Variants in CSMD1 observed in about 807,000 individuals in gnomAD.
CSMD1 encodes the protein CUB and sushi domain-containing protein 1.
In CSMD1, 213 loss-of-function variants were observed where a neutral mutation model predicts 417.5. That is an observed-to-expected ratio of 0.51 (90% CI 0.46 to 0.57). The LOEUF (loss-of-function observed/expected upper bound fraction) is 0.57. Ranked by LOEUF, CSMD1 falls within the 20% of genes least tolerant of loss-of-function variation. The pLI, the probability that CSMD1 is intolerant of heterozygous loss-of-function variation, is 0.00. For missense variants in CSMD1, 6,923 were observed against 4,529.7 expected (o/e 1.53, Z -15.17); for synonymous variants, 2,862 against 1,736.8 (o/e 1.65, Z -16.11).
At chr8:3,281,520 G>A (rs541779926) in intron 26 of CSMD1, among the ~76,000 whole-genome samples, 3 of 152,214 alleles carry the variant, frequency 2.0e-5, no homozygotes, top group Admixed American at 6.5e-5. Context: ...GAAATGATCC[G>A]TACAGCCATG....
At chr8:4,489,581 C>A (rs1271763077) in intron 2 of CSMD1, among the ~76,000 whole-genome samples, 1 of 152,144 alleles carries the variant, frequency 6.6e-6, no homozygotes, top group Non-Finnish European at 1.5e-5. Flanking sequence ...CCATCCCTGC[C>A]TTCTGGAGTC....
At chr8:3,703,505 G>C (rs1028338629) in intron 7 of CSMD1, among the ~76,000 whole-genome samples, 2 of 152,002 alleles carry the variant, frequency 1.3e-5, no homozygotes, top group East Asian at 1.9e-4. Flanking sequence ...TTGTGTACTG[G>C]TAGCTTGGGC....
intron 2 of CSMD1, among the ~76,000 whole-genome samples, chr8:4,623,043 T>G (rs1801872116): frequency 6.6e-6 from 1 of 152,188 alleles, no homozygotes; most frequent in Admixed American, 6.5e-5. Flanking sequence ...TTGTTAAATA[T>G]ATACCATTAA....
chr8:3,024,730 A>G (rs552098193), intron 51 of CSMD1, among the ~76,000 whole-genome samples: 1 of 152,354 alleles, frequency 6.6e-6, no homozygotes, highest in South Asian at 2.1e-4. Flanking sequence ...GTGACTTTCA[A>G]GAGAGTAGAT....
intron 1 of CSMD1, among the ~76,000 whole-genome samples, chr8:4,938,204 T>A (rs1324149221): frequency 6.6e-6 from 1 of 152,214 alleles, no homozygotes; most frequent in Non-Finnish European, 1.5e-5. Flanking sequence ...GACTTTGAGC[T>A]ACTAGTGAAG....
intron 26 of CSMD1, among the ~76,000 whole-genome samples, chr8:3,254,462 C>A (rs1800497743): frequency 6.6e-6 from 1 of 152,174 alleles, no homozygotes; most frequent in Non-Finnish European, 1.5e-5. Flanking sequence ...TTATATCCTG[C>A]AGAGTGTTTT....
intron 50 of CSMD1, among the ~76,000 whole-genome samples, chr8:3,042,595 AT>A (rs1189697555): frequency 6.6e-6 from 1 of 152,130 alleles, no homozygotes; most frequent in Non-Finnish European, 1.5e-5. Flanking sequence ...GTGGATGAGC[AT>A]AAAAGGACCA....
At chr8:4,738,903 T>TTGTCTGTGTGTGTG in intron 1 of CSMD1, among the ~76,000 whole-genome samples, 1 of 147,494 alleles carries the variant, frequency 6.8e-6, no homozygotes, top group South Asian at 2.1e-4. Context: ...TTCTGTGTGT[T>TTGTCTGTGTGTGTG]TGTGTGTGTG....
intron 10 of CSMD1, among the ~76,000 whole-genome samples, chr8:3,548,131 T>C (rs6558790): frequency 0.45 from 68,789 of 151,904 alleles, 15,914 homozygotes; most frequent in East Asian, 0.55. Flanking sequence ...TAATTATTGC[T>C]GTATGACTCT....
intron 3 of CSMD1, among the ~76,000 whole-genome samples, chr8:4,067,284 T>C (rs576882374): frequency 6.6e-6 from 1 of 152,324 alleles, no homozygotes; most frequent in African/African-American, 2.4e-5. Context: ...GAGATAGAAT[T>C]TTTTCAAATC....
chr8:4,944,276 T>C (rs914224304), intron 1 of CSMD1, among the ~76,000 whole-genome samples: 2 of 152,216 alleles, frequency 1.3e-5, no homozygotes, highest in Non-Finnish European at 1.5e-5. Flanking sequence ...GATTCTATAC[T>C]GTGAGTATTA....
At chr8:4,906,287 A>T (rs897340289) in intron 1 of CSMD1, among the ~76,000 whole-genome samples, 3 of 152,206 alleles carry the variant, frequency 2.0e-5, no homozygotes, top group African/African-American at 7.2e-5. Context: ...CAAAACAAAT[A>T]CATTATTCAG....
chr8:3,745,459 G>C (rs760624097), intron 6 of CSMD1, among the ~76,000 whole-genome samples: 3 of 152,204 alleles, frequency 2.0e-5, no homozygotes, highest in African/African-American at 7.2e-5. Flanking sequence ...CCAACTTGAC[G>C]TAATCTGAGA....
intron 1 of CSMD1, among the ~76,000 whole-genome samples, chr8:4,943,016 T>A (rs1377314434): frequency 6.6e-6 from 1 of 152,196 alleles, no homozygotes; most frequent in African/African-American, 2.4e-5. Context: ...GTTGAGAGTA[T>A]GGCTTTCTTT....
Position 4,544,479 on chromosome 8 carries a change from T to C in CSMD1, c.302+92863A>G, listed in dbSNP as rs1797547956. 3.9e-5 allele frequency among the ~76,000 whole-genome samples: 6 copies of C among 152,252 alleles called. No homozygotes were observed. The South Asian group carries it at 1.2e-3, about 32-fold the overall frequency. ...TTTCCTTGTAACGTTACATAAAAAT[T>C]GACTTTTATTTTAGCTAATATATGT... On this transcript the variant is annotated intron_variant, in intron 2 of 69. Transcript: ENST00000635120.
intron 37 of CSMD1, among the ~76,000 whole-genome samples, chr8:3,173,660 A>G (rs541918470): frequency 2.0e-5 from 3 of 152,330 alleles, no homozygotes; most frequent in South Asian, 2.1e-4. Flanking sequence ...TGTTGGAGGT[A>G]GTAAGCTCTC....
intron 2 of CSMD1, among the ~76,000 whole-genome samples, chr8:4,436,079 A>T (rs929951779): frequency 2.0e-5 from 3 of 152,204 alleles, no homozygotes; most frequent in African/African-American, 7.2e-5. Context: ...CCAAGTTTCA[A>T]GAATAAAACC....
At chr8:3,280,999 T>G (rs1802694525) in intron 26 of CSMD1, among the ~76,000 whole-genome samples, 1 of 152,328 alleles carries the variant, frequency 6.6e-6, no homozygotes, top group Non-Finnish European at 1.5e-5. Flanking sequence ...GTACATTCTT[T>G]CCACATAATC....
chr8:4,899,543 A>T (rs548288785), intron 1 of CSMD1, among the ~76,000 whole-genome samples: 18 of 152,318 alleles, frequency 1.2e-4, no homozygotes, highest in African/African-American at 4.1e-4. Context: ...GCGTATCTAT[A>T]TCACTCTTTC....
Sources: allele counts gnomAD v4.1 joint callset (sites outside exome capture counted in the v4.1 genomes callset), GRCh38; gene constraint gnomAD v4.1.1; transcripts MANE v1.5; gene names NCBI Gene and HGNC (gene_info 2026-07-23, HGNC 2026-07-21).